RFX3: variants seen among roughly 807,000 people sequenced by gnomAD.
RFX3 encodes the protein transcription factor RFX3.
RFX3 carries 14 observed loss-of-function variants against 98.6 expected under a neutral mutation model. That is an observed-to-expected ratio of 0.14 (90% CI 0.09 to 0.22). RFX3 has a LOEUF of 0.22. RFX3 is among the 10% of genes least tolerant of loss of function. The pLI is 1.00. For synonymous variants in RFX3, 383 were observed against 328.4 expected, an observed-to-expected ratio of 1.17 and a Z score of -1.80; for missense variants, 639 against 926.9, an observed-to-expected ratio of 0.69 and a Z score of 4.03.
intron 2 of RFX3, among the ~76,000 whole-genome samples, chr9:3,367,202 C>G (rs2131495948): frequency 6.6e-6 from 1 of 152,306 alleles, no homozygotes; most frequent in South Asian, 2.1e-4. Context: ...AAGCGGAGTG[C>G]TTCTCTGGCT....
At chr9:3,498,480 A>C (rs895387787) in intron 1 of RFX3, among the ~76,000 whole-genome samples, 3 of 152,046 alleles carry the variant, frequency 2.0e-5, no homozygotes, top group African/African-American at 7.2e-5. Flanking sequence ...GAAAACACAA[A>C]TATCAGTTTT....
chr9:3,277,815 G>C (rs959054075), intron 7 of RFX3, among the ~76,000 whole-genome samples: 1 of 151,832 alleles, frequency 6.6e-6, no homozygotes, highest in African/African-American at 2.4e-5. Context: ...TGGATATATT[G>C]GAACTTTAAT....
chr9:3,372,666 A>T (rs1232718452), intron 2 of RFX3, among the ~76,000 whole-genome samples: 1 of 149,502 alleles, frequency 6.7e-6, no homozygotes, highest in African/African-American at 2.5e-5. Context: ...TCCTGCCTCA[A>T]CCTCTGCCTC....
At chr9:3,516,148 A>T (rs1457523549) in intron 1 of RFX3, among the ~76,000 whole-genome samples, 1 of 151,786 alleles carries the variant, frequency 6.6e-6, no homozygotes, top group Admixed American at 6.6e-5. Context: ...TCCTGTATTC[A>T]CACCATTCTC....
In RFX3 at chr9:3,425,720, TTAAA is replaced by T. The variant is rs764758960; in HGVS notation, c.-8-30128_-8-30125del. 2.6e-5 allele frequency among the ~76,000 whole-genome samples: 4 copies of T among 152,336 alleles called. No individual in the cohort carries two copies. The East Asian group carries it at 7.7e-4, about 29-fold the overall frequency. ...ATGGAAAATTTTCAACAATTATTTC[TTAAA>T]TACTTTTCATTCCCCATTTTCATGC... On this transcript the variant is annotated intron_variant, in intron 1 of 16. Coordinates refer to ENST00000617270, the MANE Select transcript of RFX3 (RefSeq NM_001282116.2).
chr9:3,475,553 A>G (rs1323894392), intron 1 of RFX3, among the ~76,000 whole-genome samples: 1 of 152,132 alleles, frequency 6.6e-6, no homozygotes, highest in African/African-American at 2.4e-5. Context: ...TTATGCTACT[A>G]TTTCTGCATA....
At chr9:3,329,407 C>CA (rs1202028884) in intron 4 of RFX3, among the ~76,000 whole-genome samples, 8,682 of 37,460 alleles carry the variant, frequency 0.23, 869 homozygotes, top group African/African-American at 0.32. Context: ...GACTTCATCT[C>CA]AAAAAAAAAA....
chr9:3,339,512 T>G (rs1833618107), intron 3 of RFX3, among the ~76,000 whole-genome samples: 1 of 152,226 alleles, frequency 6.6e-6, no homozygotes, highest in South Asian at 2.1e-4. Context: ...TCAGTTTCAT[T>G]CATTTTTTCC....
rs377320890 is a variant in RFX3, at chr9:3,225,702, C to T, written c.2012-422G>A. Reference sequence around the variant, plus strand: ...GTGTTGTTTCCTCCAAAAATCTACACTAAATATAAATTTTATCTATGCTAG... The same window carrying T: ...GTGTTGTTTCCTCCAAAAATCTACATTAAATATAAATTTTATCTATGCTAG... On this transcript the variant is annotated intron_variant, in intron 16 of 16. Transcript: ENST00000617270. 2.0e-5 allele frequency among the ~76,000 whole-genome samples: 3 copies of T among 152,130 alleles called. No homozygotes were observed. In the East Asian group the frequency reaches 5.8e-4, roughly 29 times the overall value.
intron 2 of RFX3, among the ~76,000 whole-genome samples, chr9:3,372,054 T>G (rs1837919789): frequency 6.6e-6 from 1 of 152,214 alleles, no homozygotes; most frequent in African/African-American, 2.4e-5. Context: ...TCTGTATACA[T>G]TCACCCTTAC....
At chr9:3,301,444 G>A (rs552229354) in intron 5 of RFX3, 102 bp downstream of exon 5, 3 of 790,820 alleles carry the variant, frequency 3.8e-6, no homozygotes, top group Non-Finnish European at 6.2e-6. Flanking sequence ...GGAAGGTTAA[G>A]AAGCAAAATA....
chr9:3,524,724 G>A, intron 1 of RFX3: 1 of 543,682 alleles, frequency 1.8e-6, no homozygotes. Context: ...AAGTGAAACG[G>A]AACCTCACTA....
chr9:3,275,881 A>G (rs1825143362), intron 8 of RFX3, among the ~76,000 whole-genome samples: 1 of 152,102 alleles, frequency 6.6e-6, no homozygotes, highest in South Asian at 2.1e-4. Flanking sequence ...TGCATATCAC[A>G]GTGTCTCTCA....
chr9:3,338,370 A>G (rs1833446052), intron 3 of RFX3, among the ~76,000 whole-genome samples: 1 of 152,232 alleles, frequency 6.6e-6, no homozygotes, highest in Non-Finnish European at 1.5e-5. Flanking sequence ...AAAGTCAGTA[A>G]TACTTCTTGT....
Position 3,525,817 on chromosome 9 carries a change from A to G in RFX3, c.-79T>C, listed in dbSNP as rs1587938107. 8.7e-6 allele frequency: 7 copies of G among 808,712 alleles called. No individual in the cohort carries two copies. The highest frequency in any genetic ancestry group is 1.0e-5 in the Non-Finnish European group (7 of 668,236). 50.1% of individuals were successfully genotyped at this position (808,712 alleles called of 1,614,324 possible). On this transcript the variant is annotated 5_prime_UTR_variant, in exon 1 of 17. Coordinates refer to ENST00000617270, the MANE Select transcript of RFX3 (RefSeq NM_001282116.2). ...GTGGTGGTGGGGAGGAGGAGGAGGA[A>G]GAGGAGGAGGAGGAGGAGAGGAGTA...
At position 3,300,267 on chromosome 9, in the gene RFX3, G is replaced by A. The variant is rs567830347; in HGVS notation, c.549+1279C>T. 4.6e-3 allele frequency among the ~76,000 whole-genome samples: 695 copies of A among 151,630 alleles called. 8 individuals are homozygous for A. The highest frequency in any genetic ancestry group is 0.016 in the African/African-American group (669 of 41,444). On this transcript the variant is annotated intron_variant, in intron 5 of 16. Coordinates refer to ENST00000617270, the MANE Select transcript of RFX3 (RefSeq NM_001282116.2). ...TTATATTTCTTAAACTCTTTCAAAAGGAAGGGCCAGAATATATACTATCAT... is the reference window on the plus strand; with the variant it reads ...TTATATTTCTTAAACTCTTTCAAAAAGAAGGGCCAGAATATATACTATCAT...
chr9:3,411,477 G>A (rs1842461726), intron 1 of RFX3, among the ~76,000 whole-genome samples: 1 of 151,896 alleles, frequency 6.6e-6, no homozygotes, highest in Non-Finnish European at 1.5e-5. Flanking sequence ...ATTCTCCCAA[G>A]TAGCTGGGAT....
At chr9:3,478,393 G>A (rs1295435913) in intron 1 of RFX3, among the ~76,000 whole-genome samples, 1 of 149,718 alleles carries the variant, frequency 6.7e-6, no homozygotes, top group Non-Finnish European at 1.5e-5. Flanking sequence ...TGTGGCCACC[G>A]AGTTCTCTGC....
chr9:3,437,564 A>T (rs965945108), intron 1 of RFX3, among the ~76,000 whole-genome samples: 2 of 152,114 alleles, frequency 1.3e-5, no homozygotes, highest in African/African-American at 2.4e-5. Context: ...GCAAGGGGGA[A>T]CTTGGAGAAG....
Sources: allele counts gnomAD v4.1 joint callset (sites outside exome capture counted in the v4.1 genomes callset), GRCh38; gene constraint gnomAD v4.1.1; transcripts MANE v1.5; gene names NCBI Gene and HGNC (gene_info 2026-07-23, HGNC 2026-07-21).